ARHGAP44: variants seen among roughly 807,000 people sequenced by gnomAD.
ARHGAP44 encodes the protein rho GTPase-activating protein 44.
ARHGAP44 carries 43 observed loss-of-function variants against 106.8 expected under a neutral mutation model. That is an observed-to-expected ratio of 0.40 (90% CI 0.32 to 0.52). The LOEUF (loss-of-function observed/expected upper bound fraction) is 0.52. Among genes scored for constraint, ARHGAP44 ranks in the 20% least tolerant of loss-of-function variants. The pLI is 0.48. For missense variants in ARHGAP44, 866 were observed against 1,050.5 expected, an observed-to-expected ratio of 0.82 and a Z score of 2.43; for synonymous variants, 439 against 410.3, an observed-to-expected ratio of 1.07 and a Z score of -0.85.
At chr17:12,855,588 A>G (rs573238712) in intron 1 of ARHGAP44, among the ~76,000 whole-genome samples, 13 of 152,228 alleles carry the variant, frequency 8.5e-5, no homozygotes, top group African/African-American at 3.1e-4. Context: ...TGGTCAGAGT[A>G]ATGGAACATA....
intron 1 of ARHGAP44, among the ~76,000 whole-genome samples, chr17:12,840,012 C>G (rs1056021946): frequency 6.6e-6 from 1 of 152,112 alleles, no homozygotes; most frequent in African/African-American, 2.4e-5. Context: ...CATCCCTCAA[C>G]CTTTATTGTT....
intron 6 of ARHGAP44, among the ~76,000 whole-genome samples, chr17:12,920,327 G>T (rs2038041249): frequency 8.3e-6 from 1 of 120,196 alleles, no homozygotes; most frequent in Non-Finnish European, 1.5e-5. Context: ...AGTGAGCCGA[G>T]ATCATGCCAC....
Position 12,990,327 on chromosome 17 carries a change from A to C in ARHGAP44, c.*156A>C, listed in dbSNP as rs1389043543. The stretch of plus-strand genomic sequence containing the variant: ...AATTTGGCAGAAAATTGTGATCTCC[A>C]GTCCGTGTGGTGATGCTGGTGGTGC... On this transcript the variant is annotated 3_prime_UTR_variant, in exon 21 of 21. Coordinates refer to ENST00000379672, the MANE Select transcript of ARHGAP44 (RefSeq NM_014859.6). The C allele has an allele frequency of 1.4e-5, 14 of 985,368 alleles. 1 individual carries two copies. 61.0% of individuals were successfully genotyped at this position (985,368 alleles called of 1,614,324 possible). A position where few individuals can be genotyped will look rare whatever the true frequency, so the allele number is the denominator to read the frequency against.
At chr17:12,879,884 CAT>C (rs1361914986) in intron 1 of ARHGAP44, among the ~76,000 whole-genome samples, 1 of 151,758 alleles carries the variant, frequency 6.6e-6, no homozygotes, top group Non-Finnish European at 1.5e-5. Flanking sequence ...TCAATTAACA[CAT>C]ATTTTGTATA....
Position 12,814,067 on chromosome 17 carries a change from C to T in ARHGAP44, c.53+24176C>T, listed in dbSNP as rs112096547. On this transcript the variant is annotated intron_variant, in intron 1 of 20. Coordinates refer to ENST00000379672, the MANE Select transcript of ARHGAP44 (RefSeq NM_014859.6). ...TGACCAAAAGCTTAATTGTCTACAG[C>T]GGTGTTTATCAGGCTTTCTTAATTC... is the stretch of plus-strand genomic sequence containing the variant. 3.1e-3 allele frequency among the ~76,000 whole-genome samples: 479 copies of T among 152,082 alleles called. 4 individuals are homozygous for T. Among genetic ancestry groups the T allele is most frequent in the African/African-American group, 0.011 (453 of 41,484 alleles).
intron 19 of ARHGAP44, among the ~76,000 whole-genome samples, 165 bp downstream of exon 19, chr17:12,980,398 C>G (rs1051987952): frequency 6.6e-6 from 1 of 152,220 alleles, no homozygotes; most frequent in Non-Finnish European, 1.5e-5. Context: ...GATCCTTTCT[C>G]TATTATTCCT....
intron 1 of ARHGAP44, among the ~76,000 whole-genome samples, chr17:12,808,893 GT>G (rs1373153028): frequency 6.6e-6 from 1 of 152,166 alleles, no homozygotes; most frequent in African/African-American, 2.4e-5. Context: ...TTAAACGTAA[GT>G]TTCAATTCCA....
At chr17:12,939,810 G>A (rs558230314) in intron 7 of ARHGAP44, among the ~76,000 whole-genome samples, 1 of 152,178 alleles carries the variant, frequency 6.6e-6, no homozygotes, top group Non-Finnish European at 1.5e-5. Context: ...CTGTGAAACT[G>A]GACCAAGCAT....
intron 1 of ARHGAP44, among the ~76,000 whole-genome samples, chr17:12,861,322 A>G (rs1358004198): frequency 6.6e-6 from 1 of 152,088 alleles, no homozygotes. Flanking sequence ...TCCTGCTATG[A>G]TAAATTATCA....
Position 12,984,706 on chromosome 17 carries a change from C to G in ARHGAP44, c.2115C>G (p.Leu705=). 1 of 1,613,836 alleles carries G rather than the reference C, an allele frequency of 6.2e-7. No individual in the cohort carries two copies. The highest frequency in any genetic ancestry group is 8.5e-7 in the Non-Finnish European group (1 of 1,179,834). Reference sequence around the variant, plus strand: ...GGTACTCCTTGGCCTCGGGCCAGCTCTCCCCAGCTGCAGCTCCTCCCCTGG... The same window carrying G: ...GGTACTCCTTGGCCTCGGGCCAGCTGTCCCCAGCTGCAGCTCCTCCCCTGG... ...PQGYSLASGQ[L]SPAAAPPLAS... The change falls in exon 20 of 21, where the codon CTC becomes CTG. Residue 705 remains leucine, a synonymous_variant. Transcript: ENST00000379672.
At chr17:12,827,764 T>A (rs918400359) in intron 1 of ARHGAP44, among the ~76,000 whole-genome samples, 1 of 152,088 alleles carries the variant, frequency 6.6e-6, no homozygotes, top group Non-Finnish European at 1.5e-5. Context: ...GATTGATTTT[T>A]AAAAAAATTA....
intron 1 of ARHGAP44, among the ~76,000 whole-genome samples, chr17:12,846,906 AG>A (rs1031622385): frequency 2.0e-5 from 3 of 152,202 alleles, no homozygotes; most frequent in Admixed American, 1.3e-4. Flanking sequence ...TCTTATACAG[AG>A]GAAAACTTTT....
chr17:12,972,378 T>C (rs2039548537), intron 16 of ARHGAP44, among the ~76,000 whole-genome samples: 1 of 152,100 alleles, frequency 6.6e-6, no homozygotes, highest in Non-Finnish European at 1.5e-5. Flanking sequence ...CCAGGCGTGG[T>C]GGCTCACACC....
chr17:12,816,079 G>T (rs571134176), intron 1 of ARHGAP44, among the ~76,000 whole-genome samples: 2 of 152,226 alleles, frequency 1.3e-5, no homozygotes, highest in Admixed American at 1.3e-4. Context: ...TGAGATTATA[G>T]GCATGGTTGA....
intron 1 of ARHGAP44, among the ~76,000 whole-genome samples, chr17:12,819,137 T>C (rs2034686358): frequency 6.6e-6 from 1 of 152,112 alleles, no homozygotes. Flanking sequence ...TCAATTGATT[T>C]TGAACAAAGA....
At chr17:12,983,827 A>G (rs1214946055) in intron 19 of ARHGAP44, among the ~76,000 whole-genome samples, 1 of 152,160 alleles carries the variant, frequency 6.6e-6, no homozygotes, top group Non-Finnish European at 1.5e-5. Flanking sequence ...AAACAACAAA[A>G]AAACCCCAGA....
At position 12,980,139 on chromosome 17, in the gene ARHGAP44, G is replaced by C; in HGVS notation, c.1845G>C (p.Gly615=). 6.2e-7 allele frequency: 1 copy of C among 1,613,916 alleles called. No individual in the cohort carries two copies. The highest frequency in any genetic ancestry group is 8.5e-7 in the Non-Finnish European group (1 of 1,179,878). Residue 615 remains glycine, a synonymous_variant, in exon 19 of 21, where the codon GGG becomes GGC. Transcript: ENST00000379672. ...CCAGCCAGGGCACAGCCTGTGCAGG[G>C]ACTCAACCAGGGGCTCAACCTGGAG... ...PGSSQGTACA[G]TQPGAQPGAQ...
intron 3 of ARHGAP44, among the ~76,000 whole-genome samples, chr17:12,908,191 CTTTTTTTTTTT>C (rs1228178926): frequency 1.0e-5 from 1 of 95,610 alleles, no homozygotes; most frequent in African/African-American, 4.3e-5. Flanking sequence ...TGCCTCATTT[CTTTTTTTTTTT>C]TTTTTTTTTT....
At chr17:12,965,554 A>G (rs1225926469) in intron 16 of ARHGAP44, among the ~76,000 whole-genome samples, 1 of 152,220 alleles carries the variant, frequency 6.6e-6, no homozygotes, top group African/African-American at 2.4e-5. Flanking sequence ...ATGGTATACC[A>G]GTTTCCACTG....
Sources: allele counts gnomAD v4.1 joint callset (sites outside exome capture counted in the v4.1 genomes callset), GRCh38; gene constraint gnomAD v4.1.1; transcripts MANE v1.5; gene names NCBI Gene and HGNC (gene_info 2026-07-23, HGNC 2026-07-21).